Variants in MAML3 observed in about 807,000 individuals in gnomAD.
MAML3 encodes mastermind-like protein 3.
A neutral mutation model predicts 101.9 loss-of-function variants in MAML3; 27 were observed. The observed-to-expected ratio is 0.27, with a 90% CI of 0.20 to 0.37. MAML3 has a LOEUF of 0.37. MAML3 is among the 10% of genes least tolerant of loss of function. MAML3 has a pLI of 1.00. For synonymous variants in MAML3, 501 were observed against 555.9 expected (o/e 0.90, Z 1.39); for missense variants, 1,316 against 1,444.9 (o/e 0.91, Z 1.45).
chr4:140,040,785 CA>C (rs1428349095), intron 1 of MAML3, among the ~76,000 whole-genome samples: 34 of 152,234 alleles, frequency 2.2e-4, no homozygotes, highest in Admixed American at 5.9e-4. Flanking sequence ...AAATAGGATT[CA>C]AATATATATA....
rs558934805 is a variant in MAML3, at chr4:139,863,178, A to T, written c.2079+26179T>A. The stretch of plus-strand genomic sequence containing the variant: ...AAAAAAAAAAAAAAAAAATAGTAGT[A>T]CCTTCATTACAGGGTTGCTGTGAAG... On this transcript the variant is annotated intron_variant, in intron 2 of 4. Transcript: ENST00000509479. Among the ~76,000 whole-genome samples, 30 of 149,466 alleles carry T rather than the reference A, an allele frequency of 2.0e-4. 1 individual carries two copies. In the East Asian group the frequency reaches 5.0e-3, roughly 25 times the overall value.
intron 2 of MAML3, among the ~76,000 whole-genome samples, chr4:139,824,843 AC>A (rs536196262): frequency 2.2e-3 from 327 of 150,342 alleles, no homozygotes; most frequent in African/African-American, 7.6e-3. Context: ...TCTACTTACC[AC>A]CCCCGCCCCA....
intron 2 of MAML3, among the ~76,000 whole-genome samples, chr4:139,736,122 ACACTCACT>A (rs552005476): frequency 3.3e-5 from 5 of 152,224 alleles, no homozygotes; most frequent in Admixed American, 3.3e-4. Flanking sequence ...ACATACACAC[ACACTCACT>A]CACTCACTCA....
At chr4:139,898,221 C>G (rs1338507471) in intron 1 of MAML3, among the ~76,000 whole-genome samples, 3 of 152,226 alleles carry the variant, frequency 2.0e-5, no homozygotes, top group Non-Finnish European at 2.9e-5. Context: ...AAAGCAGGCT[C>G]TTGAAAATGT....
chr4:139,989,705 T>C (rs1441865834), intron 1 of MAML3, among the ~76,000 whole-genome samples: 1 of 152,024 alleles, frequency 6.6e-6, no homozygotes, highest in Non-Finnish European at 1.5e-5. Context: ...CCTTCTTCAC[T>C]GAAAGCCAAG....
chr4:140,075,854 G>C (rs547765808), intron 1 of MAML3, among the ~76,000 whole-genome samples: 2 of 152,050 alleles, frequency 1.3e-5, no homozygotes, highest in African/African-American at 4.8e-5. Context: ...TCTGCTTCCC[G>C]GATTCAAGCG....
intron 2 of MAML3, among the ~76,000 whole-genome samples, chr4:139,822,616 C>T (rs1730994566): frequency 6.6e-6 from 1 of 152,180 alleles, no homozygotes; most frequent in Non-Finnish European, 1.5e-5. Context: ...GCATTCCTTC[C>T]TTTGAGTGAC....
intron 1 of MAML3, among the ~76,000 whole-genome samples, chr4:140,120,133 A>G (rs1321534833): frequency 3.3e-5 from 5 of 149,708 alleles, no homozygotes; most frequent in African/African-American, 7.4e-5. Context: ...GCTACTCGGG[A>G]GGCTGAGGCA....
At chr4:139,920,170 T>C (rs1733099845) in intron 1 of MAML3, among the ~76,000 whole-genome samples, 1 of 152,256 alleles carries the variant, frequency 6.6e-6, no homozygotes, top group Non-Finnish European at 1.5e-5. Flanking sequence ...GGAACACAGA[T>C]TTCAATGACA....
intron 2 of MAML3, among the ~76,000 whole-genome samples, chr4:139,770,153 A>C (rs997040885): frequency 6.6e-6 from 1 of 152,042 alleles, no homozygotes; most frequent in South Asian, 2.1e-4. Flanking sequence ...GTTGGTCTCA[A>C]TCTTCTGGGC....
At chr4:139,956,507 C>G (rs952606537) in intron 1 of MAML3, among the ~76,000 whole-genome samples, 3 of 152,190 alleles carry the variant, frequency 2.0e-5, no homozygotes, top group African/African-American at 4.8e-5. Flanking sequence ...TTCCAACAAG[C>G]AAACTCAACT....
chr4:140,025,173 A>G (rs1322444377), intron 1 of MAML3, among the ~76,000 whole-genome samples: 1 of 152,190 alleles, frequency 6.6e-6, no homozygotes, highest in South Asian at 2.1e-4. Flanking sequence ...CTGTTTTGGG[A>G]CAATTGAGTT....
chr4:140,047,385 G>T (rs1312407813), intron 1 of MAML3, among the ~76,000 whole-genome samples: 2 of 152,160 alleles, frequency 1.3e-5, no homozygotes, highest in Non-Finnish European at 2.9e-5. Context: ...ACACCAGGAA[G>T]AAGAGAAGCA....
chr4:139,727,145 CT>C (rs2110977235), intron 3 of MAML3, among the ~76,000 whole-genome samples: 1 of 152,260 alleles, frequency 6.6e-6, no homozygotes, highest in African/African-American at 2.4e-5. Context: ...CTATAATTTT[CT>C]TTTCTTTTTC....
chr4:139,832,296 T>TTG (rs1731182196), intron 2 of MAML3, among the ~76,000 whole-genome samples: 1 of 149,890 alleles, frequency 6.7e-6, no homozygotes, highest in African/African-American at 2.5e-5. Flanking sequence ...TTATTTTTAG[T>TTG]AGACAGGGTT....
intron 1 of MAML3, among the ~76,000 whole-genome samples, chr4:139,981,699 C>T (rs1378360403): frequency 6.6e-6 from 1 of 152,160 alleles, no homozygotes; most frequent in African/African-American, 2.4e-5. Context: ...CTCCTCTTGG[C>T]AGGGACAGTT....
chr4:139,890,971 G>A lies in MAML3; in HGVS notation c.469-4C>T. 6.2e-7 allele frequency: 1 copy of A among 1,606,974 alleles called. No homozygotes were observed. The highest frequency in any genetic ancestry group is 8.5e-7 in the Non-Finnish European group (1 of 1,175,398). ...TCCTTTTCACAGTCTCTTGTAGCTG[G>A]AAAAGAAACAGGAAAGAGGATGACT... On this transcript the variant is annotated splice_region_variant and splice_polypyrimidine_tract_variant and intron_variant, in intron 1 of 4. Transcript: ENST00000509479. The surrounding 1 kb of genome is among the most constrained non-coding windows in gnomAD (Gnocchi z 4.1).
chr4:139,760,689 A>T (rs1729740308), intron 2 of MAML3, among the ~76,000 whole-genome samples: 1 of 152,314 alleles, frequency 6.6e-6, no homozygotes, highest in South Asian at 2.1e-4. Context: ...CAGGAAAGAA[A>T]CTGTACTACT....
chr4:139,902,208 CCTT>C (rs1732735251), intron 1 of MAML3, among the ~76,000 whole-genome samples: 1 of 152,160 alleles, frequency 6.6e-6, no homozygotes, highest in African/African-American at 2.4e-5. Flanking sequence ...CTCATTCTCT[CCTT>C]CTCTCCTTCC....
Sources: gnomAD v4.1 joint callset for allele counts (sites outside exome capture counted in the v4.1 genomes callset) on GRCh38, gnomAD v4.1.1 for gene constraint, Gnocchi (gnomAD v3.1) non-coding constraint, MANE v1.5 for transcripts, NCBI Gene and HGNC (gene_info 2026-07-23, HGNC 2026-07-21) for gene names.